The following PPIP5K2 variants were observed in gnomAD, a reference collection of about 807,000 sequenced individuals.
PPIP5K2 encodes the protein diphosphoinositol pentakisphosphate kinase 2.
PPIP5K2 carries 105 observed loss-of-function variants against 154.6 expected under a neutral mutation model. The observed-to-expected ratio is 0.68, with a 90% CI of 0.58 to 0.80. The LOEUF is 0.80. PPIP5K2 is among the 30% of genes least tolerant of loss of function. The pLI is 0.00. For synonymous variants in PPIP5K2, 480 were observed against 490.3 expected, an observed-to-expected ratio of 0.98 and a Z score of 0.28; for missense variants, 992 against 1,504.6, an observed-to-expected ratio of 0.66 and a Z score of 5.64.
chr5:103,177,184 G>A (rs773950995), intron 21 of PPIP5K2, among the ~76,000 whole-genome samples: 5 of 151,776 alleles, frequency 3.3e-5, no homozygotes, highest in Non-Finnish European at 5.9e-5. Flanking sequence ...TTTTCATTTT[G>A]TATAAGCAGT....
At chr5:103,178,063 C>T in intron 23 of PPIP5K2, 83 bp downstream of exon 23, 1 of 862,466 alleles carries the variant, frequency 1.2e-6, no homozygotes, top group Middle Eastern at 2.4e-4. Context: ...TTATAATGTA[C>T]TATAAATAAT....
intron 6 of PPIP5K2, among the ~76,000 whole-genome samples, chr5:103,147,104 T>C (rs1472307570): frequency 2.0e-5 from 3 of 151,990 alleles, no homozygotes; most frequent in Non-Finnish European, 4.4e-5. Flanking sequence ...TTGTATTACT[T>C]TTTGGATTGA....
intron 21 of PPIP5K2, 54 bp from the exon 22 acceptor site, chr5:103,177,613 A>G: frequency 8.2e-7 from 1 of 1,212,268 alleles, no homozygotes; most frequent in Non-Finnish European, 1.2e-6. Flanking sequence ...CAATAAAGTG[A>G]CTTTCAAGTA....
At chr5:103,148,799 GT>G (rs142890866) in intron 7 of PPIP5K2, among the ~76,000 whole-genome samples, 14 of 148,026 alleles carry the variant, frequency 9.5e-5, no homozygotes, top group Admixed American at 2.7e-4. Flanking sequence ...CTTTTGGAAG[GT>G]TTTTTTTTTC....
chr5:103,151,898 T>G (rs1191130391), intron 9 of PPIP5K2, among the ~76,000 whole-genome samples: 1 of 152,030 alleles, frequency 6.6e-6, no homozygotes, highest in Non-Finnish European at 1.5e-5. Context: ...CCTGTTTTCT[T>G]TATACCTTGA....
At chr5:103,158,387 TAA>T (rs1795736764) in intron 15 of PPIP5K2, 63 bp from the exon 16 acceptor site, 12 of 1,590,912 alleles carry the variant, frequency 7.5e-6, no homozygotes, top group Non-Finnish European at 1.0e-5. Context: ...GTGATGTTAT[TAA>T]ACATTTATAG....
At chr5:103,149,737 C>G (rs1453877375) in intron 8 of PPIP5K2, among the ~76,000 whole-genome samples, 1 of 150,788 alleles carries the variant, frequency 6.6e-6, no homozygotes, top group Non-Finnish European at 1.5e-5. Flanking sequence ...CTCGCTGTCA[C>G]CCAGGCTGGA....
At chr5:103,138,878 A>G (rs889559724) in intron 5 of PPIP5K2, among the ~76,000 whole-genome samples, 2 of 152,230 alleles carry the variant, frequency 1.3e-5, no homozygotes, top group African/African-American at 2.4e-5. Context: ...CTGGAACAGC[A>G]TGTGTTTGAA....
At chr5:103,159,999 A>G (rs1286938176) in intron 17 of PPIP5K2, among the ~76,000 whole-genome samples, 1 of 152,106 alleles carries the variant, frequency 6.6e-6, no homozygotes, top group Non-Finnish European at 1.5e-5. Flanking sequence ...TAGATTCTAC[A>G]TATAAGTGAG....
chr5:103,191,080 G>A (rs1801158630), intron 29 of PPIP5K2, 98 bp downstream of exon 29: 1 of 1,181,120 alleles, frequency 8.5e-7, no homozygotes, highest in Admixed American at 2.2e-5. Context: ...GCAGGTAGTG[G>A]TAATGAGTAG....
chr5:103,166,400 C>T (rs1358608666), intron 17 of PPIP5K2, among the ~76,000 whole-genome samples: 1 of 151,950 alleles, frequency 6.6e-6, no homozygotes, highest in East Asian at 1.9e-4. Context: ...AGGAATCTAC[C>T]TTGTCGTCCT....
At position 103,203,855 on chromosome 5, in the gene PPIP5K2, C is replaced by G. The variant is rs1447088610; in HGVS notation, c.*2221C>G. On this transcript the variant is annotated 3_prime_UTR_variant, in exon 31 of 31. Coordinates refer to ENST00000358359, the MANE Select transcript of PPIP5K2 (RefSeq NM_001276277.3). ...GAGTTACGTAGTCCATTCTCAAATA[C>G]TAGCAAATTTGGGGGGCGTGGTACA... 2.0e-5 allele frequency: 3 copies of G among 152,126 alleles called. No individual in the cohort carries two copies. The highest frequency in any genetic ancestry group is 4.4e-5 in the Non-Finnish European group (3 of 68,022). 9.4% of individuals were successfully genotyped at this position (152,126 alleles called of 1,614,324 possible).
At chr5:103,183,809 T>G (rs116573040) in intron 25 of PPIP5K2, among the ~76,000 whole-genome samples, 143 of 152,312 alleles carry the variant, frequency 9.4e-4, no homozygotes, top group African/African-American at 3.4e-3. Context: ...TTGAAAAAAT[T>G]AGATTCAATT....
chr5:103,186,579 C>A, intron 27 of PPIP5K2, 140 bp downstream of exon 27: 1 of 1,172,102 alleles, frequency 8.5e-7, no homozygotes, highest in Non-Finnish European at 1.2e-6. Flanking sequence ...ACTATCAGTG[C>A]TCTCTGTTAT....
chr5:103,167,944 A>C (rs1554218420), intron 18 of PPIP5K2, 128 bp from the exon 19 acceptor site: 1 of 588,554 alleles, frequency 1.7e-6, no homozygotes, highest in Non-Finnish European at 2.9e-6. Flanking sequence ...CGTATGCCTA[A>C]AGTAACTCTC....
At chr5:103,145,533 A>G (rs1468200330) in intron 5 of PPIP5K2, among the ~76,000 whole-genome samples, 1 of 152,146 alleles carries the variant, frequency 6.6e-6, no homozygotes, top group African/African-American at 2.4e-5. Context: ...TGTGGTACCT[A>G]TAGATAATGG....
chr5:103,174,316 G>A (rs1366862823), intron 21 of PPIP5K2: 1 of 188,788 alleles, frequency 5.3e-6, no homozygotes, highest in African/African-American at 2.4e-5. Flanking sequence ...CTACTATTAT[G>A]TACTATCTAC....
At position 103,173,801 on chromosome 5, in the gene PPIP5K2, T is replaced by C; in HGVS notation, c.2415-57T>C. On this transcript the variant is annotated intron_variant, in intron 20 of 30. Transcript: ENST00000358359. ...TTAATTTTAGAAAATAATTTCAATA[T>C]TTAGTGAGTTTTTGATTATATGGTT... is the stretch of plus-strand genomic sequence containing the variant. 2.5e-5 allele frequency: 27 copies of C among 1,097,874 alleles called. 1 individual carries two copies. In the South Asian group the frequency reaches 3.7e-4, roughly 15 times the overall value. 68.0% of individuals were successfully genotyped at this position (1,097,874 alleles called of 1,614,324 possible).
At chr5:103,182,504 A>G (rs1214555732) in intron 24 of PPIP5K2, among the ~76,000 whole-genome samples, 2 of 152,196 alleles carry the variant, frequency 1.3e-5, no homozygotes, top group Non-Finnish European at 2.9e-5. Flanking sequence ...TACTTCCAAA[A>G]GACACACAGA....
Sources: allele counts gnomAD v4.1 joint callset (sites outside exome capture counted in the v4.1 genomes callset), GRCh38; gene constraint gnomAD v4.1.1; transcripts MANE v1.5; gene names NCBI Gene and HGNC (gene_info 2026-07-23, HGNC 2026-07-21).